CCDC88A: variants seen among roughly 807,000 people sequenced by gnomAD.
The protein encoded by CCDC88A is girdin.
Under a neutral mutation model 234.3 loss-of-function variants are expected in CCDC88A, and 54 were observed. That is an observed-to-expected ratio of 0.23 (90% CI 0.19 to 0.29). The LOEUF (loss-of-function observed/expected upper bound fraction) is 0.29. Among genes scored for constraint, CCDC88A ranks in the 10% least tolerant of loss-of-function variants. The probability of loss-of-function intolerance (pLI) is 1.00; values close to 1 mark genes in which losing one functional copy is unlikely to be tolerated. For missense variants in CCDC88A, 1,832 were observed against 2,123.4 expected (o/e 0.86, Z 2.70); for synonymous variants, 753 against 737.8 (o/e 1.02, Z -0.33).
chr2:55,309,212 T>C lies in CCDC88A; in HGVS notation c.4122A>G (p.Glu1374=). 6.4e-7 allele frequency: 1 copy of C among 1,554,642 alleles called. No homozygotes were observed. Among genetic ancestry groups the C allele is most frequent in the South Asian group, 1.2e-5 (1 of 86,696 alleles). The stretch of plus-strand genomic sequence containing the variant: ...ATTTGTATTGATCCATAATTTTCTC[T>C]TCTAGTTTCTCCTTCTGACGTCTTA... ...NELRRQKEKL[E]EKIMDQYKFY... Residue 1374 remains glutamate, a synonymous_variant, in exon 24 of 33, where the codon GAA becomes GAG. Coordinates refer to ENST00000436346, the MANE Select transcript of CCDC88A (RefSeq NM_001365480.1). This position sits in a 1 kb window ranked among gnomAD's most constrained non-coding sequence, Gnocchi z 5.1.
In CCDC88A at chr2:55,418,813, T is replaced by C; in HGVS notation, c.164+3A>G. ...GTTACCTAGGAAAGAAGGAAGAACT[T>C]ACATTTGGAGCATGACCTGGTTCAA... On this transcript the variant is annotated splice_donor_region_variant and intron_variant, in intron 2 of 32. Coordinates refer to ENST00000436346, the MANE Select transcript of CCDC88A (RefSeq NM_001365480.1). 1 of 1,608,190 alleles carries C rather than the reference T, an allele frequency of 6.2e-7. No individual in the cohort carries two copies.
chr2:55,377,556 G>A (rs1673878998), intron 3 of CCDC88A, among the ~76,000 whole-genome samples: 1 of 152,028 alleles, frequency 6.6e-6, no homozygotes, highest in Non-Finnish European at 1.5e-5. Context: ...TCAGACGAAA[G>A]AGCCTTCAAA....
At position 55,309,513 on chromosome 2, in the gene CCDC88A, T is replaced by A. The variant is rs1359839105; in HGVS notation, c.4080-259A>T. On this transcript the variant is annotated intron_variant, in intron 23 of 32. Coordinates refer to ENST00000436346, the MANE Select transcript of CCDC88A (RefSeq NM_001365480.1). This position sits in a 1 kb window ranked among gnomAD's most constrained non-coding sequence, Gnocchi z 5.1. Reference sequence around the variant, plus strand: ...TTTATATCAGCAAAAAATTAAAACATTGTTTAGTTTGCTTACAATTATAGA... The same window carrying A: ...TTTATATCAGCAAAAAATTAAAACAATGTTTAGTTTGCTTACAATTATAGA... 1.3e-5 allele frequency among the ~76,000 whole-genome samples: 2 copies of A among 152,142 alleles called. No individual in the cohort carries two copies. The highest frequency in any genetic ancestry group is 3.8e-4 in the East Asian group (2 of 5,200).
At position 55,289,129 on chromosome 2, in the gene CCDC88A, C is replaced by G. The variant is rs1246521898; in HGVS notation, c.*2071G>C. The G allele has an allele frequency of 6.6e-6, 1 of 152,600 alleles. No homozygotes were observed. Among genetic ancestry groups the G allele is most frequent in the Non-Finnish European group, 1.5e-5 (1 of 68,032 alleles). 9.5% of individuals were successfully genotyped at this position (152,600 alleles called of 1,614,324 possible). A position where few individuals can be genotyped will look rare whatever the true frequency, so the allele number is the denominator to read the frequency against. On this transcript the variant is annotated 3_prime_UTR_variant, in exon 33 of 33. Coordinates refer to ENST00000436346, the MANE Select transcript of CCDC88A (RefSeq NM_001365480.1). The stretch of plus-strand genomic sequence containing the variant: ...GCATTTTCTGCTTGAAGCACTAATG[C>G]ACTTAACCCAGCATGTTCTGTATTT...
chr2:55,295,354 A>G (rs755930394), intron 31 of CCDC88A: 1 of 1,525,418 alleles, frequency 6.6e-7, no homozygotes, highest in South Asian at 1.2e-5. Flanking sequence ...AATGGCTGAG[A>G]TGAATGGGCC....
At position 55,332,697 on chromosome 2, in the gene CCDC88A, A is replaced by G. The variant is rs1350561515; in HGVS notation, c.2728-4T>C. 6.2e-7 allele frequency: 1 copy of G among 1,612,572 alleles called. No individual in the cohort carries two copies. Among genetic ancestry groups the G allele is most frequent in the African/African-American group, 1.3e-5 (1 of 74,840 alleles). ...TCAACTTTTCACTCACCAAATCCTT[A>G]TTTTAAAAGAAATGCAAAACTCACC... On this transcript the variant is annotated splice_region_variant and splice_polypyrimidine_tract_variant and intron_variant, in intron 15 of 32. Coordinates refer to ENST00000436346, the MANE Select transcript of CCDC88A (RefSeq NM_001365480.1). This position sits in a 1 kb window ranked among gnomAD's most constrained non-coding sequence, Gnocchi z 4.5.
intron 5 of CCDC88A, among the ~76,000 whole-genome samples, chr2:55,370,672 A>C (rs1672708431): frequency 6.9e-6 from 1 of 145,662 alleles, no homozygotes; most frequent in African/African-American, 2.6e-5. Flanking sequence ...AAAAAAGAGA[A>C]TTAACTTGCA....
rs780663918 is a variant in CCDC88A, at chr2:55,296,037, T to C, written c.5111A>G (p.Glu1704Gly). 1.2e-6 allele frequency: 2 copies of C among 1,602,792 alleles called. No homozygotes were observed. ...TSVQIKSSSQ[E>G]NLLDEVMKSL... Reference sequence around the variant, plus strand: ...TTTCATTACTTCATCTAAAAGATTCTCTTGACTTGAGGACTTTATCTGTTT... The same window carrying C: ...TTTCATTACTTCATCTAAAAGATTCCCTTGACTTGAGGACTTTATCTGTTT... Residue 1704 changes from glutamate (E) to glycine (G), a missense_variant, in exon 31 of 33, where the codon GAG becomes GGG. Physicochemically the swap from Glu to Gly is moderately conservative, Grantham distance 98 (BLOSUM62 -2). This residue lies in a region of CCDC88A where 422 missense variants were observed against 416.5 expected (regional missense o/e 1.01). Coordinates refer to ENST00000436346, the MANE Select transcript of CCDC88A (RefSeq NM_001365480.1).
chr2:55,325,822 T>C (rs927924539), intron 17 of CCDC88A, among the ~76,000 whole-genome samples: 5 of 152,228 alleles, frequency 3.3e-5, no homozygotes, highest in Non-Finnish European at 1.5e-5. Context: ...TGCATAAACA[T>C]TTAACCTTGT....
At chr2:55,304,646 T>C (rs1001856764) in intron 25 of CCDC88A, among the ~76,000 whole-genome samples, 4 of 152,092 alleles carry the variant, frequency 2.6e-5, no homozygotes, top group African/African-American at 9.7e-5. Context: ...TTTGAAGAGC[T>C]TTTTGAAGGA....
At chr2:55,357,615 T>C (rs973988644) in intron 7 of CCDC88A, among the ~76,000 whole-genome samples, 5 of 152,160 alleles carry the variant, frequency 3.3e-5, no homozygotes, top group Non-Finnish European at 5.9e-5. Flanking sequence ...ACTACTATTC[T>C]AGAAAGAATG....
intron 22 of CCDC88A, chr2:55,315,044 CAT>C: frequency 6.6e-6 from 1 of 152,332 alleles, no homozygotes; most frequent in South Asian, 2.1e-4. Context: ...CCACCAGTGA[CAT>C]GTGGAATCTT....
chr2:55,289,373 A>C lies in CCDC88A; in HGVS notation c.*1827T>G, dbSNP rs1679285288. 6.6e-6 allele frequency: 1 copy of C among 152,634 alleles called. No homozygotes were observed. Among genetic ancestry groups the C allele is most frequent in the Admixed American group, 6.5e-5 (1 of 15,276 alleles). 9.5% of individuals were successfully genotyped at this position (152,634 alleles called of 1,614,324 possible). A position where few individuals can be genotyped will look rare whatever the true frequency, so the allele number is the denominator to read the frequency against. ...CTTTTATCCACCTAAAAATGAATGT[A>C]CATTTTTTGACATGCAATTGTCTCT... is the stretch of plus-strand genomic sequence containing the variant. On this transcript the variant is annotated 3_prime_UTR_variant, in exon 33 of 33. Coordinates refer to ENST00000436346, the MANE Select transcript of CCDC88A (RefSeq NM_001365480.1).
chr2:55,362,280 C>A, intron 7 of CCDC88A, 28 bp downstream of exon 7: 1 of 1,526,564 alleles, frequency 6.6e-7, no homozygotes, highest in Non-Finnish European at 8.8e-7. Flanking sequence ...AGCAAACTTT[C>A]ACAATATACT....
At chr2:55,296,706 C>T (rs1163961468) in intron 29 of CCDC88A, 183 bp from the exon 30 acceptor site, 1 of 620,716 alleles carries the variant, frequency 1.6e-6, no homozygotes, top group African/African-American at 1.8e-5. Context: ...TCTGCCATAG[C>T]CTGCTTCCTT....
At chr2:55,357,930 A>G (rs1471844663) in intron 7 of CCDC88A, among the ~76,000 whole-genome samples, 2 of 152,192 alleles carry the variant, frequency 1.3e-5, no homozygotes, top group Non-Finnish European at 2.9e-5. Context: ...TCCAGCAAAC[A>G]AAGCAATTCT....
chr2:55,354,408 G>A (rs929213054), intron 8 of CCDC88A, among the ~76,000 whole-genome samples: 10 of 152,062 alleles, frequency 6.6e-5, no homozygotes, highest in African/African-American at 2.2e-4. Flanking sequence ...TGGGATTACA[G>A]GCATGAGCCA....
Position 55,374,854 on chromosome 2 carries a change from C to T in CCDC88A, c.303G>A (p.Ser101=), listed in dbSNP as rs190035436. 39 of 1,607,874 alleles carry T rather than the reference C, an allele frequency of 2.4e-5. No homozygotes were observed. The highest frequency in any genetic ancestry group is 1.1e-4 in the East Asian group (5 of 44,720). Residue 101 remains serine (S), a synonymous_variant, in exon 4 of 33, where the codon TCG becomes TCA. Transcript: ENST00000436346. ...QETLQQLIMM[S]LPNVLIIGKN... is the part of the protein sequence containing the mutation. ...TGCCAATGATTAAGACATTTGGCAA[C>T]GACATCATGATCAATTGCTGCAAAG...
At chr2:55,304,610 G>C (rs2104580902) in intron 25 of CCDC88A, among the ~76,000 whole-genome samples, 1 of 152,204 alleles carries the variant, frequency 6.6e-6, no homozygotes, top group South Asian at 2.1e-4. Context: ...GCAAAAATGA[G>C]AGAAAAGTAT....
Sources: gnomAD v4.1 joint callset for allele counts (sites outside exome capture counted in the v4.1 genomes callset) on GRCh38, gnomAD v4.1.1 for gene constraint, gnomAD v4.1.1 regional missense constraint, Gnocchi (gnomAD v3.1) non-coding constraint, MANE v1.5 for transcripts, NCBI Gene and HGNC (gene_info 2026-07-23, HGNC 2026-07-21) for gene names.